PID1: variants seen among roughly 807,000 people sequenced by gnomAD.
PID1 encodes phosphotyrosine interaction domain containing 1.
In PID1, 10 loss-of-function variants were observed where a neutral mutation model predicts 19.1. The ratio of observed to expected loss-of-function variants is 0.52; its 90% confidence interval spans 0.32 to 0.89. The LOEUF (loss-of-function observed/expected upper bound fraction) is 0.89. Among genes scored for constraint, PID1 ranks in the 40% least tolerant of loss-of-function variants. PID1 has a pLI of 0.03. For missense variants in PID1, 248 were observed against 285.3 expected, an observed-to-expected ratio of 0.87 and a Z score of 0.94; for synonymous variants, 130 against 116.0, an observed-to-expected ratio of 1.12 and a Z score of -0.78.
At chr2:229,232,788 A>AATATATAT (rs3997299) in intron 1 of PID1, among the ~76,000 whole-genome samples, 6 of 139,922 alleles carry the variant, frequency 4.3e-5, no homozygotes, top group African/African-American at 1.6e-4. Context: ...CACACACATA[A>AATATATAT]ATATATATAT....
At chr2:229,080,595 C>T (rs1343513016) in intron 2 of PID1, among the ~76,000 whole-genome samples, 2 of 152,214 alleles carry the variant, frequency 1.3e-5, no homozygotes. Context: ...GATCACAGAA[C>T]AATTTAATGC....
At chr2:229,215,185 G>A (rs912898275) in intron 1 of PID1, among the ~76,000 whole-genome samples, 1 of 152,176 alleles carries the variant, frequency 6.6e-6, no homozygotes, top group Non-Finnish European at 1.5e-5. Context: ...TGCAGCAGAG[G>A]GGAGTGGTGG....
intron 2 of PID1, among the ~76,000 whole-genome samples, chr2:229,098,379 T>A (rs1234679378): frequency 6.6e-6 from 1 of 152,242 alleles, no homozygotes; most frequent in Non-Finnish European, 1.5e-5. Context: ...GCAAATGTTC[T>A]AATGGGAAAC....
At chr2:229,089,483 C>T (rs191252496) in intron 2 of PID1, among the ~76,000 whole-genome samples, 22 of 152,264 alleles carry the variant, frequency 1.4e-4, no homozygotes, top group Admixed American at 8.5e-4. Context: ...GATCCCTAGA[C>T]GCCGCCATTT....
chr2:229,087,229 T>C (rs1352951748), intron 2 of PID1, among the ~76,000 whole-genome samples: 1 of 152,160 alleles, frequency 6.6e-6, no homozygotes, highest in African/African-American at 2.4e-5. Context: ...AAAAGATCTA[T>C]TGTGGTCTAG....
intron 2 of PID1, among the ~76,000 whole-genome samples, chr2:229,145,513 A>G (rs1436387122): frequency 6.6e-6 from 1 of 152,132 alleles, no homozygotes; most frequent in African/African-American, 2.4e-5. Context: ...TAATTAAACT[A>G]AATTTTCAGA....
chr2:229,158,429 CTTTG>C (rs1690426102), intron 1 of PID1, among the ~76,000 whole-genome samples: 1 of 152,140 alleles, frequency 6.6e-6, no homozygotes. Context: ...TATATACTTG[CTTTG>C]TTTACTTTAT....
chr2:229,232,121 C>T (rs6743582), intron 1 of PID1: 774,379 of 1,464,086 alleles, frequency 0.53, 208,535 homozygotes, highest in African/African-American at 0.61. Flanking sequence ...ATGACTTAAC[C>T]ACCTCTTAAA....
At chr2:229,180,811 G>T (rs1690924427) in intron 1 of PID1, among the ~76,000 whole-genome samples, 1 of 152,206 alleles carries the variant, frequency 6.6e-6, no homozygotes, top group Non-Finnish European at 1.5e-5. Context: ...ATCTGAACCC[G>T]ACTCCCTTTC....
chr2:229,144,973 C>T (rs1053023305), intron 2 of PID1, among the ~76,000 whole-genome samples: 3 of 151,646 alleles, frequency 2.0e-5, no homozygotes, highest in Admixed American at 6.6e-5. Context: ...TTGTTTAATG[C>T]TTTCGTACCT....
chr2:229,226,878 G>A lies in PID1; in HGVS notation c.30+44136C>T, dbSNP rs367556478. 4.2e-4 allele frequency among the ~76,000 whole-genome samples: 64 copies of A among 152,238 alleles called. No individual in the cohort carries two copies. The South Asian group carries it at 0.013, about 31-fold the overall frequency. On this transcript the variant is annotated intron_variant, in intron 1 of 2. Coordinates refer to ENST00000392055, the MANE Select transcript of PID1 (RefSeq NM_001100818.2). ...GATGACCCCCTTTAAAAGTCATTTT[G>A]TTCTACTGCCACTGAAATAGTACTG... is the stretch of plus-strand genomic sequence containing the variant.
intron 2 of PID1, among the ~76,000 whole-genome samples, chr2:229,026,739 T>A (rs544221305): frequency 6.6e-6 from 1 of 152,338 alleles, no homozygotes; most frequent in African/African-American, 2.4e-5. Flanking sequence ...GTTTTTGAAC[T>A]GATGAGCATC....
chr2:229,164,030 T>C (rs1179953753), intron 1 of PID1, among the ~76,000 whole-genome samples: 1 of 152,182 alleles, frequency 6.6e-6, no homozygotes, highest in South Asian at 2.1e-4. Context: ...AAAAGGAACA[T>C]TCCCTCATGG....
chr2:229,119,504 CA>C (rs1695475916), intron 2 of PID1, among the ~76,000 whole-genome samples: 1 of 152,030 alleles, frequency 6.6e-6, no homozygotes, highest in Non-Finnish European at 1.5e-5. Context: ...TATTTAAAGC[CA>C]TCAGTAATGG....
intron 2 of PID1, among the ~76,000 whole-genome samples, chr2:229,150,403 C>T (rs1247361070): frequency 6.6e-6 from 1 of 152,074 alleles, no homozygotes; most frequent in Non-Finnish European, 1.5e-5. Flanking sequence ...CTGACCCCAC[C>T]AGCCATACGA....
chr2:229,267,601 C>T (rs192037183), intron 1 of PID1, among the ~76,000 whole-genome samples: 15 of 152,276 alleles, frequency 9.9e-5, no homozygotes, highest in Admixed American at 7.2e-4. Flanking sequence ...CTTGATTCAT[C>T]TTTCTCCTCC....
intron 2 of PID1, among the ~76,000 whole-genome samples, chr2:229,152,360 T>C (rs1030433922): frequency 1.4e-4 from 22 of 152,206 alleles, no homozygotes; most frequent in African/African-American, 5.3e-4. Context: ...ATTTATTTAT[T>C]TGGGCACTTG....
intron 1 of PID1, among the ~76,000 whole-genome samples, chr2:229,172,325 G>T (rs1057138968): frequency 6.6e-6 from 1 of 152,190 alleles, no homozygotes; most frequent in East Asian, 1.9e-4. Context: ...AAACCAGGTG[G>T]TTTAAAACAA....
intron 1 of PID1, among the ~76,000 whole-genome samples, chr2:229,192,437 T>G (rs1159868349): frequency 6.6e-6 from 1 of 152,212 alleles, no homozygotes; most frequent in African/African-American, 2.4e-5. Context: ...CTTTGTGATC[T>G]CTTTATGTAA....
Sources: gnomAD v4.1 joint callset for allele counts (sites outside exome capture counted in the v4.1 genomes callset) on GRCh38, gnomAD v4.1.1 for gene constraint, MANE v1.5 for transcripts, NCBI Gene and HGNC (gene_info 2026-07-23, HGNC 2026-07-21) for gene names.